Variants in WASHC4 observed in about 807,000 individuals in gnomAD.
WASHC4 encodes WASH complex subunit 4.
Under a neutral mutation model 166.6 loss-of-function variants are expected in WASHC4, and 86 were observed. The observed-to-expected ratio is 0.52, with a 90% CI of 0.43 to 0.62. WASHC4 has a LOEUF of 0.62. WASHC4 is among the 20% of genes least tolerant of loss of function. The pLI is 0.00. For missense variants in WASHC4, 1,262 were observed against 1,382.4 expected, an observed-to-expected ratio of 0.91 and a Z score of 1.38; for synonymous variants, 446 against 451.6, an observed-to-expected ratio of 0.99 and a Z score of 0.16.
chr12:105,166,923 G>T lies in WASHC4; in HGVS notation c.3514G>T (p.Val1172Leu). 1 of 1,600,810 alleles carries T rather than the reference G, an allele frequency of 6.2e-7. No individual in the cohort carries two copies. Among genetic ancestry groups the T allele is most frequent in the South Asian group, 1.1e-5 (1 of 90,926 alleles). The stretch of plus-strand genomic sequence containing the variant: ...CAGCACTGTGTCTGCTGATCCTGTT[G>T]TGAAATGATACGGATGGTATTCACT... ...SDSTVSADPV[V>L]K The change falls in exon 33 of 33, where the codon GTG becomes TTG. Residue 1172 changes from valine (V) to leucine (L), a missense_variant. By Grantham distance (32) the Val-to-Leu change is conservative (BLOSUM62 1). Transcript: ENST00000332180.
intron 13 of WASHC4, among the ~76,000 whole-genome samples, chr12:105,128,306 C>A (rs561866167): frequency 2.2e-4 from 34 of 152,232 alleles, no homozygotes; most frequent in African/African-American, 7.5e-4. Flanking sequence ...GGATTAAAAA[C>A]AAATGTTTAG....
At chr12:105,161,914 TA>T (rs2135842420) in intron 29 of WASHC4, among the ~76,000 whole-genome samples, 1 of 152,292 alleles carries the variant, frequency 6.6e-6, no homozygotes, top group South Asian at 2.1e-4. Context: ...TTCATAAAAT[TA>T]AAATCATAAG....
intron 14 of WASHC4, among the ~76,000 whole-genome samples, chr12:105,137,518 G>A (rs1882431135): frequency 6.6e-6 from 1 of 152,188 alleles, no homozygotes; most frequent in African/African-American, 2.4e-5. Context: ...ACAGATAGGA[G>A]TCTTTATTCT....
intron 26 of WASHC4, 105 bp from the exon 27 acceptor site, chr12:105,156,621 T>C (rs1299510821): frequency 1.1e-5 from 10 of 892,866 alleles, no homozygotes; most frequent in Non-Finnish European, 1.8e-5. Flanking sequence ...ATATTTTGGT[T>C]CTTAGGAGTG....
intron 13 of WASHC4, among the ~76,000 whole-genome samples, chr12:105,130,082 T>C (rs1281708988): frequency 6.6e-6 from 1 of 152,218 alleles, no homozygotes; most frequent in African/African-American, 2.4e-5. Context: ...CCTACAGAGA[T>C]TAAACTTGCC....
In WASHC4 at chr12:105,124,556, C is replaced by T. The variant is rs572008350; in HGVS notation, c.787-1448C>T. 2.5e-3 allele frequency among the ~76,000 whole-genome samples: 383 copies of T among 152,218 alleles called. 1 individual carries two copies. The highest frequency in any genetic ancestry group is 8.4e-3 in the African/African-American group (349 of 41,516). On this transcript the variant is annotated intron_variant, in intron 10 of 32. Transcript: ENST00000332180. ...AGTGCAGTGGCGTAATCTTTGCTCA[C>T]TGCAACCTCCGCCTCCTGGGTTCAA...
chr12:105,146,027 T>C (rs1883263939), intron 22 of WASHC4, among the ~76,000 whole-genome samples: 2 of 152,148 alleles, frequency 1.3e-5, no homozygotes, highest in South Asian at 4.1e-4. Context: ...TATTTTAGAA[T>C]TACATATAAG....
At chr12:105,119,969 G>A (rs142567277) in intron 7 of WASHC4, among the ~76,000 whole-genome samples, 8 of 152,266 alleles carry the variant, frequency 5.3e-5, no homozygotes, top group Admixed American at 3.3e-4. Context: ...GGTGGCTCAT[G>A]CCTGTAATCC....
At chr12:105,146,068 G>A (rs1259477701) in intron 22 of WASHC4, among the ~76,000 whole-genome samples, 1 of 152,102 alleles carries the variant, frequency 6.6e-6, no homozygotes, top group Non-Finnish European at 1.5e-5. Context: ...AAAATAGTAT[G>A]TATTTTATGA....
rs61393761 is a variant in WASHC4 at position 105,149,383 on chromosome 12, CTTT to C, written c.2515-228_2515-226del. 13,564 of 1,061,338 alleles carry C rather than the reference CTTT, an allele frequency of 0.013. 1,364 individuals are homozygous for C. In the African/African-American group the frequency reaches 0.21, roughly 17 times the overall value. 65.7% of individuals were successfully genotyped at this position (1,061,338 alleles called of 1,614,324 possible). On this transcript the variant is annotated intron_variant, in intron 24 of 32. Coordinates refer to ENST00000332180, the MANE Select transcript of WASHC4 (RefSeq NM_015275.3). The stretch of plus-strand genomic sequence containing the variant: ...AGAATATTTTCCACTTTTTTCTTTT[CTTT>C]TTTCTTTTTTAGTAAAAATATGTAA...
chr12:105,161,783 GGCTATTATAGTACTTA>G (rs1162180103), intron 29 of WASHC4, among the ~76,000 whole-genome samples: 13 of 152,106 alleles, frequency 8.5e-5, no homozygotes, highest in African/African-American at 3.1e-4. Context: ...TTCCAGCGTA[GGCTATTATAGTACTTA>G]GCACACTGTA....
At position 105,167,284 on chromosome 12, in the gene WASHC4, T is replaced by C. The variant is rs1054987319; in HGVS notation, c.*353T>C. On this transcript the variant is annotated 3_prime_UTR_variant, in exon 33 of 33. Coordinates refer to ENST00000332180, the MANE Select transcript of WASHC4 (RefSeq NM_015275.3). ...TGTATTTGCATAGATCTTTGATCTATAGTTATTTCAAGTCATGGGAAATTC... is the reference window on the plus strand; with the variant it reads ...TGTATTTGCATAGATCTTTGATCTACAGTTATTTCAAGTCATGGGAAATTC... 2.1e-5 allele frequency: 5 copies of C among 243,124 alleles called. No individual in the cohort carries two copies. The highest frequency in any genetic ancestry group is 3.3e-5 in the Non-Finnish European group (4 of 122,454). The allele number at this position is 243,124 out of a possible 1,614,324, so 15.1% of individuals were successfully genotyped here. A position where few individuals can be genotyped will look rare whatever the true frequency, so the allele number is the denominator to read the frequency against.
rs565654996 is a variant in WASHC4 at position 105,140,892 on chromosome 12, T to G, written c.1561-7T>G. On this transcript the variant is annotated splice_polypyrimidine_tract_variant and splice_region_variant and intron_variant, in intron 16 of 32. Transcript: ENST00000332180. ...GAAACAAATAGTTTTCCTGTTTTAT[T>G]TTTAAGAAAAGAGTGATTTCTGACA... 8.1e-6 allele frequency: 13 copies of G among 1,613,200 alleles called. No individual in the cohort carries two copies. In the African/African-American group the frequency reaches 9.3e-5, roughly 12 times the overall value.
At chr12:105,120,962 A>C in intron 8 of WASHC4, 139 bp from the exon 9 acceptor site, 1 of 689,666 alleles carries the variant, frequency 1.4e-6, no homozygotes, top group East Asian at 2.7e-5. Flanking sequence ...TGAGGATCCA[A>C]CCTGTAGCTG....
intron 13 of WASHC4, 127 bp from the exon 14 acceptor site, chr12:105,133,643 T>C (rs767106884): frequency 1.3e-6 from 1 of 759,984 alleles, no homozygotes; most frequent in Non-Finnish European, 2.3e-6. Flanking sequence ...TATGTCTATG[T>C]AATATTTATC....
rs1884941194 is a variant in WASHC4, at chr12:105,168,909, C to A, written c.*1978C>A. 1 of 152,420 alleles carries A rather than the reference C, an allele frequency of 6.6e-6. No individual in the cohort carries two copies. Among genetic ancestry groups the A allele is most frequent in the South Asian group, 2.1e-4 (1 of 4,826 alleles). The allele number at this position is 152,420 out of a possible 1,614,324, so 9.4% of individuals were successfully genotyped here. A position where few individuals can be genotyped will look rare whatever the true frequency, so the allele number is the denominator to read the frequency against. On this transcript the variant is annotated 3_prime_UTR_variant, in exon 33 of 33. Transcript: ENST00000332180. ...CATTAATTTTATTTTTTCAGACATA[C>A]TGTAATTTAAAAATTAATGTGAGCG...
At chr12:105,147,536 T>C in intron 24 of WASHC4, 1 of 934,254 alleles carries the variant, frequency 1.1e-6, no homozygotes, top group Non-Finnish European at 1.3e-6. Context: ...TATGCCCTTT[T>C]TGGGGCAGGG....
In WASHC4 at chr12:105,159,942, A is replaced by AT. The variant is rs560338252; in HGVS notation, c.2913-52dup. On this transcript the variant is annotated intron_variant, in intron 28 of 32. Transcript: ENST00000332180. ...TCTTATCTAAACTATTGAGAGATGG[A>AT]TTTTTTTCAAAGCCACGCTTCTTTT... 8.9e-3 allele frequency: 13,444 copies of AT among 1,509,416 alleles called. 80 individuals carry two copies. The highest frequency in any genetic ancestry group is 0.011 in the Non-Finnish European group (11,864 of 1,086,482). 93.5% of individuals were successfully genotyped at this position (1,509,416 alleles called of 1,614,324 possible). A position where few individuals can be genotyped will look rare whatever the true frequency, so the allele number is the denominator to read the frequency against.
intron 13 of WASHC4, among the ~76,000 whole-genome samples, chr12:105,132,353 G>T (rs1881910699): frequency 6.6e-6 from 1 of 152,110 alleles, no homozygotes; most frequent in Non-Finnish European, 1.5e-5. Context: ...TGTATTTTTA[G>T]TAGAGATGGG....
Sources: gnomAD v4.1 joint callset for allele counts (sites outside exome capture counted in the v4.1 genomes callset) on GRCh38, gnomAD v4.1.1 for gene constraint, MANE v1.5 for transcripts, NCBI Gene and HGNC (gene_info 2026-07-23, HGNC 2026-07-21) for gene names.